The following RUNX1 variants were observed in gnomAD, a reference collection of about 807,000 sequenced individuals.
RUNX1 encodes RUNX family transcription factor 1.
A neutral mutation model predicts 42.8 loss-of-function variants in RUNX1; 19 were observed. The observed-to-expected ratio is 0.44, with a 90% CI of 0.31 to 0.65. The LOEUF (loss-of-function observed/expected upper bound fraction) is 0.65, where lower values mean the gene tolerates loss of function less well. Ranked by LOEUF, RUNX1 falls within the 30% of genes least tolerant of loss-of-function variation. RUNX1 has a pLI of 0.07. For missense variants in RUNX1, 528 were observed against 672.0 expected (o/e 0.79, Z 2.37); for synonymous variants, 271 against 289.4 (o/e 0.94, Z 0.64).
intron 3 of RUNX1, chr21:34,887,641 C>T: frequency 4.6e-6 from 5 of 1,079,360 alleles, no homozygotes; most frequent in Non-Finnish European, 5.6e-6. Context: ...GGCTTCAGTC[C>T]CGAAAAGCAA....
chr21:34,942,339 C>T (rs57676402), intron 2 of RUNX1, among the ~76,000 whole-genome samples: 5,526 of 152,180 alleles, frequency 0.036, 316 homozygotes, highest in African/African-American at 0.13. Context: ...AATCATTTGC[C>T]TGTACACTGA....
chr21:34,990,789 C>G (rs1205761570), intron 2 of RUNX1, among the ~76,000 whole-genome samples: 1 of 152,058 alleles, frequency 6.6e-6, no homozygotes, highest in Non-Finnish European at 1.5e-5. Flanking sequence ...ACAGGGTTTA[C>G]CATGTTGGCC....
intron 7 of RUNX1, among the ~76,000 whole-genome samples, chr21:34,828,018 T>TC (rs1264416787): frequency 6.6e-6 from 1 of 152,218 alleles, no homozygotes; most frequent in Admixed American, 6.5e-5. Context: ...ATTGGGGCTA[T>TC]CCCTGAGAAC....
At chr21:34,834,735 T>A (rs2057118843) in intron 6 of RUNX1, 134 bp from the exon 7 acceptor site, 2 of 769,024 alleles carry the variant, frequency 2.6e-6, no homozygotes, top group African/African-American at 1.7e-5. Context: ...CACCCCAACA[T>A]AGACTCGCTA....
intron 2 of RUNX1, among the ~76,000 whole-genome samples, chr21:34,943,268 A>C (rs1399607582): frequency 6.6e-6 from 1 of 152,212 alleles, no homozygotes; most frequent in Non-Finnish European, 1.5e-5. Flanking sequence ...AGGAACTGAA[A>C]AACAGAAAAG....
chr21:34,919,668 G>A (rs1426595654), intron 2 of RUNX1, among the ~76,000 whole-genome samples: 1 of 152,168 alleles, frequency 6.6e-6, no homozygotes, highest in Non-Finnish European at 1.5e-5. Context: ...TTTCTTCTTC[G>A]ATTGAGTGGT....
At chr21:35,039,091 G>A (rs115913295) in intron 2 of RUNX1, among the ~76,000 whole-genome samples, 83 of 152,290 alleles carry the variant, frequency 5.5e-4, no homozygotes, top group African/African-American at 1.9e-3. Flanking sequence ...AAGGACTCAG[G>A]GATTCATATA....
At chr21:34,845,210 T>C (rs2146139973) in intron 6 of RUNX1, among the ~76,000 whole-genome samples, 1 of 152,286 alleles carries the variant, frequency 6.6e-6, no homozygotes, top group East Asian at 1.9e-4. Context: ...CCAGGTAACA[T>C]TGGGAGGGAA....
Position 34,843,727 on chromosome 21 carries a change from A to G in RUNX1, c.614-9126T>C, listed in dbSNP as rs945827212. ...GACTCACGGGACAAAAACCCAAACAAAACTCTGCTCCCTGAGTCCAGGGCT... is the reference window on the plus strand; with the variant it reads ...GACTCACGGGACAAAAACCCAAACAGAACTCTGCTCCCTGAGTCCAGGGCT... On this transcript the variant is annotated intron_variant, in intron 6 of 8. Coordinates refer to ENST00000675419, the MANE Select transcript of RUNX1 (RefSeq NM_001754.5). The surrounding 1 kb of genome is among the most constrained non-coding windows in gnomAD (Gnocchi z 4.8). Among the ~76,000 whole-genome samples, 1 of 152,114 alleles carries G rather than the reference A, an allele frequency of 6.6e-6. No homozygotes were observed. Among genetic ancestry groups the G allele is most frequent in the East Asian group, 1.9e-4 (1 of 5,158 alleles).
At chr21:34,879,019 A>G (rs969143358) in intron 5 of RUNX1, among the ~76,000 whole-genome samples, 1 of 152,222 alleles carries the variant, frequency 6.6e-6, no homozygotes, top group Non-Finnish European at 1.5e-5. Context: ...CTAACAGCAG[A>G]AATCCACAAG....
intron 2 of RUNX1, among the ~76,000 whole-genome samples, chr21:34,940,078 T>TC (rs990514093): frequency 2.6e-5 from 4 of 152,300 alleles, no homozygotes; most frequent in African/African-American, 9.6e-5. Flanking sequence ...TGTAAAAAAA[T>TC]CATGTTAGTT....
intron 6 of RUNX1, among the ~76,000 whole-genome samples, chr21:34,850,304 C>G (rs1276949957): frequency 2.0e-5 from 3 of 152,188 alleles, no homozygotes; most frequent in Non-Finnish European, 4.4e-5. Context: ...AGGACACAGG[C>G]AGCAGGCGGA....
intron 6 of RUNX1, among the ~76,000 whole-genome samples, chr21:34,835,743 G>A (rs1216705246): frequency 1.3e-5 from 2 of 152,012 alleles, no homozygotes; most frequent in East Asian, 1.9e-4. Flanking sequence ...GTTCCCTATT[G>A]CCAAATGTCC....
chr21:34,892,843 A>G (rs910093548), intron 3 of RUNX1, 82 bp downstream of exon 3: 23 of 815,492 alleles, frequency 2.8e-5, no homozygotes, highest in Non-Finnish European at 4.3e-5. Flanking sequence ...AGTTATACAT[A>G]GAGATACATA....
chr21:34,882,295 T>C (rs760206857), intron 4 of RUNX1, among the ~76,000 whole-genome samples: 1 of 152,220 alleles, frequency 6.6e-6, no homozygotes, highest in Non-Finnish European at 1.5e-5. Context: ...TTTTATTCAT[T>C]AGAACTGCTT....
chr21:34,792,315 G>GCCCCCC lies in RUNX1; in HGVS notation c.1262_1263insGGGGGG (p.Gly420_Gly421dup). 4 of 1,516,602 alleles carry GCCCCCC rather than the reference G, an allele frequency of 2.6e-6. No individual in the cohort carries two copies. Among genetic ancestry groups the GCCCCCC allele is most frequent in the Non-Finnish European group, 1.8e-6 (2 of 1,130,370 alleles). 93.9% of individuals were successfully genotyped at this position (1,516,602 alleles called of 1,614,324 possible). A position where few individuals can be genotyped will look rare whatever the true frequency, so the allele number is the denominator to read the frequency against. ...GCAGGATGCGCGGCGGCGAGCGCTC[G>GCCCCCC]CCGCCCACCATGGAGAACTGGTAGG... On this transcript the variant is annotated inframe_insertion, in exon 9 of 9. Transcript: ENST00000675419. This position sits in a 1 kb window ranked among gnomAD's most constrained non-coding sequence, Gnocchi z 6.9.
chr21:34,954,393 C>T (rs7278442), intron 2 of RUNX1, among the ~76,000 whole-genome samples: 7,185 of 152,176 alleles, frequency 0.047, 543 homozygotes, highest in African/African-American at 0.16. Flanking sequence ...CTGATTGTTT[C>T]ATTGCAGGGG....
intron 7 of RUNX1, among the ~76,000 whole-genome samples, chr21:34,810,477 A>G (rs950906683): frequency 3.3e-5 from 5 of 152,238 alleles, no homozygotes; most frequent in Non-Finnish European, 5.9e-5. Flanking sequence ...TCTGGCCCCA[A>G]ACATTTTCAG....
At chr21:34,876,018 T>C (rs2057808107) in intron 5 of RUNX1, among the ~76,000 whole-genome samples, 1 of 152,220 alleles carries the variant, frequency 6.6e-6, no homozygotes, top group African/African-American at 2.4e-5. Flanking sequence ...ATAAATGTGT[T>C]GGGAAAGGAT....
Sources: gnomAD v4.1 joint callset for allele counts (sites outside exome capture counted in the v4.1 genomes callset) on GRCh38, gnomAD v4.1.1 for gene constraint, Gnocchi (gnomAD v3.1) non-coding constraint, MANE v1.5 for transcripts, NCBI Gene and HGNC (gene_info 2026-07-23, HGNC 2026-07-21) for gene names.